BTD: variants seen among roughly 807,000 people sequenced by gnomAD.
BTD encodes biocytinase.
A neutral mutation model predicts 17.7 loss-of-function variants in BTD; 13 were observed. The ratio of observed to expected loss-of-function variants is 0.74; its 90% CI spans 0.48 to 1.17. The LOEUF is 1.17. Ranked by LOEUF, BTD falls within the 50% of genes most tolerant of loss-of-function variation. The probability of loss-of-function intolerance (pLI) is 0.00; values close to 1 mark genes in which losing one functional copy is unlikely to be tolerated. For missense variants in BTD, 674 were observed against 650.4 expected, an observed-to-expected ratio of 1.04 and a Z score of -0.39; for synonymous variants, 240 against 245.2, an observed-to-expected ratio of 0.98 and a Z score of 0.20.
chr3:15,604,999 C>T (rs1308189189), intron 1 of BTD, among the ~76,000 whole-genome samples: 3 of 152,194 alleles, frequency 2.0e-5, no homozygotes, highest in Admixed American at 6.5e-5. Flanking sequence ...CCCACATTTT[C>T]CTATCTTCTT....
chr3:15,666,980 A>G (rs2066010632), intron 3 of BTD, among the ~76,000 whole-genome samples: 2 of 152,206 alleles, frequency 1.3e-5, no homozygotes, highest in Non-Finnish European at 2.9e-5. Flanking sequence ...CCACAATGAA[A>G]TTAATTGTAA....
chr3:15,664,232 C>G (rs922580421), intron 3 of BTD, among the ~76,000 whole-genome samples: 1 of 152,228 alleles, frequency 6.6e-6, no homozygotes, highest in Non-Finnish European at 1.5e-5. Flanking sequence ...AAGTCTCCAA[C>G]TATGATAGTG....
At chr3:15,710,246 T>A (rs1236309101) in exon 4 of BTD, among the ~76,000 whole-genome samples, 1 of 152,184 alleles carries the variant, frequency 6.6e-6, no homozygotes, top group Admixed American at 6.5e-5. Context: ...TGTTTACATA[T>A]ATGTATCTTT....
rs190380279 is a variant in BTD, at chr3:15,720,897, T to C, written c.1016-873T>C. On this transcript the variant is annotated intron_variant, in intron 4 of 4. Transcript: ENST00000672427. ...AGTGACATATGAAATACTTATAGATTCTGATTTTGTTCCTTACCTTCATAT... is the reference window on the plus strand; with the variant it reads ...AGTGACATATGAAATACTTATAGATCCTGATTTTGTTCCTTACCTTCATAT... 167 of 1,607,002 alleles carry C rather than the reference T, an allele frequency of 1.0e-4. 2 individuals are homozygous for C. In the African/African-American group the frequency reaches 1.8e-3, roughly 18 times the overall value.
chr3:15,721,590 GATTTA>G (rs2073738517), intron 4 of BTD, among the ~76,000 whole-genome samples: 1 of 151,808 alleles, frequency 6.6e-6, no homozygotes, highest in African/African-American at 2.4e-5. Context: ...TACAGATCAA[GATTTA>G]AAAAAAAATG....
In BTD at chr3:15,652,568, C is replaced by T. The variant is rs141571631; in HGVS notation, c.*7080C>T. Among the ~76,000 whole-genome samples the T allele has an allele frequency of 1.8e-4, 28 of 152,264 alleles. No individual in the cohort carries two copies. The East Asian group carries it at 4.1e-3, about 22-fold the overall frequency. On this transcript the variant is annotated 3_prime_UTR_variant, in exon 4 of 4. Coordinates refer to ENST00000643237, the MANE Select transcript of BTD (RefSeq NM_001370658.1). ...TGCAACCTCATGAGAGACCCTGAGC[C>T]GGAACCACCCCACAAAGTCACTCTT...
chr3:15,670,211 T>G (rs1414935440), intron 3 of BTD: 3 of 1,558,862 alleles, frequency 1.9e-6, no homozygotes. Context: ...CAAAGTGCCT[T>G]TTTCCTGAAA....
At position 15,672,295 on chromosome 3, in the gene BTD, C is replaced by T. The variant is rs187988459; in HGVS notation, c.399+30238C>T. ...ACTAGCTCTGACTATAGGCACATGC[C>T]ATGCCTGGCTAATTTTTAAACTTTT... On this transcript the variant is annotated intron_variant, in intron 3 of 3. Transcript: ENST00000672141. Among the ~76,000 whole-genome samples, 238 of 152,204 alleles carry T rather than the reference C, an allele frequency of 1.6e-3. 2 individuals carry two copies. The highest frequency in any genetic ancestry group is 1.4e-3 in the Non-Finnish European group (95 of 67,992).
At position 15,635,507 on chromosome 3, in the gene BTD, A is replaced by G. The variant is rs146011150; in HGVS notation, c.68A>G (p.His23Arg). ...TGTTACGTGGTTGCCCTGGGAGCCC[A>G]CACCGGGGAGGAGAGCGTGGCTGAC... ...CGCYVVALGAHTGEESVADHH... is the reference protein window; with the variant it reads ...CGCYVVALGARTGEESVADHH... The change falls in exon 2 of 4, where the codon CAC (histidine) becomes CGC (arginine). Residue 23 changes from histidine to arginine, a missense_variant. Coordinates refer to ENST00000643237, the MANE Select transcript of BTD (RefSeq NM_001370658.1). The surrounding 1 kb of genome is among the most constrained non-coding windows in gnomAD (Gnocchi z 4.1). 6.3e-4 allele frequency: 1,024 copies of G among 1,614,048 alleles called. 1 individual carries two copies. Among genetic ancestry groups the G allele is most frequent in the Non-Finnish European group, 7.8e-4 (919 of 1,180,026 alleles).
intron 3 of BTD, chr3:15,679,377 C>T: frequency 6.2e-7 from 1 of 1,613,942 alleles, no homozygotes; most frequent in Non-Finnish European, 8.5e-7. Flanking sequence ...CCTTCGTTGT[C>T]ATTTATCCTG....
rs1334918705 is a variant in BTD at position 15,646,464 on chromosome 3, C to T, written c.*976C>T. On this transcript the variant is annotated 3_prime_UTR_variant, in exon 4 of 4. Coordinates refer to ENST00000643237, the MANE Select transcript of BTD (RefSeq NM_001370658.1). ...CTGCCGTGAAGGGCATGAAGGGTGG[C>T]CCACTTTAGTCATGCATTTATTCAA... is the stretch of plus-strand genomic sequence containing the variant. The T allele has an allele frequency of 6.6e-6, 1 of 152,158 alleles. No individual in the cohort carries two copies. The highest frequency in any genetic ancestry group is 1.5e-5 in the Non-Finnish European group (1 of 68,030). 9.4% of individuals were successfully genotyped at this position (152,158 alleles called of 1,614,324 possible).
At chr3:15,605,999 C>T (rs2064438551) in intron 1 of BTD, among the ~76,000 whole-genome samples, 1 of 141,828 alleles carries the variant, frequency 7.1e-6, no homozygotes, top group Admixed American at 7.5e-5. Context: ...ACCAAGATTG[C>T]ACCACTGTAC....
In BTD at chr3:15,644,474, T is replaced by A. The variant is rs1223858943; in HGVS notation, c.558T>A (p.Leu186=). ...TCGTGTTCAGCAATAATGGAACCCT[T>A]GTTGACCGCTACCGTAAACACAACC... is the stretch of plus-strand genomic sequence containing the variant. ...TNVVFSNNGT[L]VDRYRKHNLY... The change falls in exon 4 of 4, where the codon CTT becomes CTA. Residue 186 remains leucine (L), a synonymous_variant. Coordinates refer to ENST00000643237, the MANE Select transcript of BTD (RefSeq NM_001370658.1). 12 of 1,614,142 alleles carry A rather than the reference T, an allele frequency of 7.4e-6. No homozygotes were observed. The East Asian group carries it at 2.7e-4, about 36-fold the overall frequency.
At chr3:15,636,445 G>C (rs925319009) in intron 2 of BTD, among the ~76,000 whole-genome samples, 1 of 152,314 alleles carries the variant, frequency 6.6e-6, no homozygotes, top group South Asian at 2.1e-4. Flanking sequence ...GGCCCCCCTG[G>C]GGGCAAAGAG....
chr3:15,635,356 C>A lies in BTD; in HGVS notation c.-16-68C>A. 6.2e-7 allele frequency: 1 copy of A among 1,608,540 alleles called. No individual in the cohort carries two copies. The highest frequency in any genetic ancestry group is 8.5e-7 in the Non-Finnish European group (1 of 1,176,426). ...AATTGCTGGGATTAATAAATCACAG[C>A]TGCAAACGTTAAATTCTTGGCAGGA... On this transcript the variant is annotated intron_variant, in intron 1 of 3. Transcript: ENST00000643237. The surrounding 1 kb of genome is among the most constrained non-coding windows in gnomAD (Gnocchi z 4.1).
chr3:15,607,961 T>C (rs1399048319), intron 1 of BTD, among the ~76,000 whole-genome samples: 2 of 152,250 alleles, frequency 1.3e-5, no homozygotes, highest in South Asian at 2.1e-4. Flanking sequence ...ATCTGTGGAC[T>C]TCAGAGTACC....
chr3:15,676,774 AT>A (rs953726525), intron 3 of BTD: 167 of 430,354 alleles, frequency 3.9e-4, no homozygotes, highest in Middle Eastern at 1.3e-3. Flanking sequence ...TTATAATAAA[AT>A]TTCAGTTCAA....
intron 3 of BTD, among the ~76,000 whole-genome samples, chr3:15,704,041 T>C (rs555732093): frequency 6.6e-6 from 1 of 152,252 alleles, no homozygotes; most frequent in African/African-American, 2.4e-5. Flanking sequence ...ATATACATAC[T>C]ACACACAGGT....
downstream of BTD, among the ~76,000 whole-genome samples, chr3:15,717,249 G>C (rs1178858960): frequency 6.6e-6 from 1 of 152,080 alleles, no homozygotes; most frequent in Non-Finnish European, 1.5e-5. Flanking sequence ...AGGTAGCTGG[G>C]ACTAAAGGCA....
Sources: gnomAD v4.1 joint callset for allele counts (sites outside exome capture counted in the v4.1 genomes callset) on GRCh38, gnomAD v4.1.1 for gene constraint, Gnocchi (gnomAD v3.1) non-coding constraint, MANE v1.5 for transcripts, NCBI Gene and HGNC (gene_info 2026-07-23, HGNC 2026-07-21) for gene names.